WDR72: variants seen among roughly 807,000 people sequenced by gnomAD.
The protein encoded by WDR72 is WD repeat domain 72.
A neutral mutation model predicts 124.2 loss-of-function variants in WDR72; 120 were observed. That is an observed-to-expected ratio of 0.97 (90% confidence interval 0.83 to 1.12). The LOEUF is 1.12. Ranked by LOEUF, WDR72 falls within the 50% of genes most tolerant of loss-of-function variation. The probability of loss-of-function intolerance (pLI) is 0.00; values close to 1 mark genes in which losing one functional copy is unlikely to be tolerated. For synonymous variants in WDR72, 452 were observed against 441.7 expected (o/e 1.02, Z -0.29); for missense variants, 1,387 against 1,278.8 (o/e 1.08, Z -1.29).
chr15:53,737,209 G>T (rs2018382170), intron 1 of WDR72, among the ~76,000 whole-genome samples: 1 of 152,150 alleles, frequency 6.6e-6, no homozygotes, highest in South Asian at 2.1e-4. Context: ...GATGCTACTG[G>T]ACTAAATTGC....
intron 14 of WDR72, among the ~76,000 whole-genome samples, chr15:53,616,653 T>C (rs990731042): frequency 2.0e-5 from 3 of 151,910 alleles, no homozygotes; most frequent in African/African-American, 7.2e-5. Context: ...TTAACAAAAA[T>C]GGTGCTTCCA....
chr15:53,623,514 T>TAC (rs201348553), intron 14 of WDR72, among the ~76,000 whole-genome samples: 177 of 147,334 alleles, frequency 1.2e-3, no homozygotes, highest in African/African-American at 4.7e-3. Flanking sequence ...CACATACACA[T>TAC]ACACACACAC....
At chr15:53,662,135 G>T (rs955221918) in intron 14 of WDR72, among the ~76,000 whole-genome samples, 80 of 152,136 alleles carry the variant, frequency 5.3e-4, no homozygotes, top group African/African-American at 1.9e-3. Flanking sequence ...TCCTTCCATT[G>T]CAATTTAAAC....
At chr15:53,635,648 G>A (rs1179638930) in intron 14 of WDR72, among the ~76,000 whole-genome samples, 2 of 152,030 alleles carry the variant, frequency 1.3e-5, no homozygotes, top group East Asian at 1.9e-4. Flanking sequence ...CTGAGCACTC[G>A]TGGACATAAA....
intron 18 of WDR72, among the ~76,000 whole-genome samples, chr15:53,556,172 G>A (rs1893924034): frequency 6.6e-6 from 1 of 151,944 alleles, no homozygotes; most frequent in Admixed American, 6.6e-5. Context: ...TATAAATGAG[G>A]CAATACAATG....
intron 1 of WDR72, among the ~76,000 whole-genome samples, chr15:53,755,324 A>G (rs927980943): frequency 6.6e-6 from 1 of 152,270 alleles, no homozygotes; most frequent in Non-Finnish European, 1.5e-5. Flanking sequence ...CCTATGTGGC[A>G]TAACGGATTA....
At chr15:53,659,427 T>C (rs2015535882) in intron 14 of WDR72, among the ~76,000 whole-genome samples, 1 of 152,118 alleles carries the variant, frequency 6.6e-6, no homozygotes, top group African/African-American at 2.4e-5. Context: ...GTGCCTCTGA[T>C]TTACATGGCC....
intron 14 of WDR72, among the ~76,000 whole-genome samples, chr15:53,663,956 A>C (rs1014957910): frequency 6.8e-6 from 1 of 146,058 alleles, no homozygotes; most frequent in African/African-American, 2.8e-5. Flanking sequence ...AAAAACCTAA[A>C]GACAATGGAT....
chr15:53,546,623 C>T (rs568168716), intron 18 of WDR72, among the ~76,000 whole-genome samples: 1 of 152,038 alleles, frequency 6.6e-6, no homozygotes, highest in South Asian at 2.1e-4. Flanking sequence ...ATGTAACTAA[C>T]CTGCACAATG....
intron 13 of WDR72, among the ~76,000 whole-genome samples, chr15:53,684,896 C>G (rs554700151): frequency 6.6e-5 from 10 of 152,312 alleles, no homozygotes; most frequent in Middle Eastern, 6.8e-3. Flanking sequence ...CAAGTGGGTG[C>G]CTGACCCCTG....
intron 17 of WDR72, among the ~76,000 whole-genome samples, chr15:53,606,691 C>T (rs1327614859): frequency 2.0e-5 from 3 of 152,046 alleles, no homozygotes; most frequent in Non-Finnish European, 2.9e-5. Context: ...TTAAGGAGAT[C>T]GATTTTTTAA....
At chr15:53,666,463 T>C (rs1318628284) in intron 13 of WDR72, among the ~76,000 whole-genome samples, 1 of 152,100 alleles carries the variant, frequency 6.6e-6, no homozygotes, top group East Asian at 1.9e-4. Context: ...AATTCACAAA[T>C]AATTCAATGC....
At chr15:53,627,464 G>A (rs2014256996) in intron 14 of WDR72, among the ~76,000 whole-genome samples, 1 of 152,168 alleles carries the variant, frequency 6.6e-6, no homozygotes, top group South Asian at 2.1e-4. Flanking sequence ...AGCAAATACT[G>A]TTAAAGATGC....
At chr15:53,597,299 T>C in intron 17 of WDR72, 25 bp from the exon 18 acceptor site, 4 of 1,609,350 alleles carry the variant, frequency 2.5e-6, no homozygotes, top group Non-Finnish European at 3.4e-6. Context: ...TTTAAGTGAA[T>C]TATTTTTAGT....
chr15:53,713,274 G>A (rs1178977547), intron 6 of WDR72, among the ~76,000 whole-genome samples: 2 of 150,892 alleles, frequency 1.3e-5, no homozygotes, highest in Non-Finnish European at 2.9e-5. Context: ...ACATTCTTTG[G>A]GGAACTACGG....
chr15:53,576,408 C>T lies in WDR72; in HGVS notation c.3148+20671G>A, dbSNP rs527254103. Among the ~76,000 whole-genome samples the T allele has an allele frequency of 8.1e-4, 124 of 152,222 alleles. 3 individuals carry two copies. The South Asian group carries it at 0.025, about 31-fold the overall frequency. ...AAAGAGAAGTAAGGTATAGAGCCTC[C>T]AGTTCCTCCAAAACTCTCCATAAGC... On this transcript the variant is annotated intron_variant, in intron 18 of 19. Coordinates refer to ENST00000360509, the MANE Select transcript of WDR72 (RefSeq NM_182758.4).
intron 1 of WDR72, among the ~76,000 whole-genome samples, chr15:53,733,989 G>GA (rs1300011246): frequency 1.3e-5 from 2 of 152,164 alleles, no homozygotes; most frequent in Non-Finnish European, 2.9e-5. Flanking sequence ...AAAGAGAGGA[G>GA]AAAGGGGCCA....
intron 16 of WDR72, among the ~76,000 whole-genome samples, chr15:53,609,841 T>TACACAC (rs1385892002): frequency 6.8e-4 from 27 of 39,662 alleles, no homozygotes; most frequent in African/African-American, 1.0e-3. Flanking sequence ...TGTGTACATT[T>TACACAC]ATACACACAC....
chr15:53,660,565 A>G (rs13329268), intron 14 of WDR72, among the ~76,000 whole-genome samples: 5,615 of 152,238 alleles, frequency 0.037, 342 homozygotes, highest in African/African-American at 0.13. Flanking sequence ...ACACATCACC[A>G]TAAGGTCAGC....
Sources: allele counts gnomAD v4.1 joint callset (sites outside exome capture counted in the v4.1 genomes callset), GRCh38; gene constraint gnomAD v4.1.1; transcripts MANE v1.5; gene names NCBI Gene and HGNC (gene_info 2026-07-23, HGNC 2026-07-21).